The following GPHN variants were observed in gnomAD, a reference collection of about 807,000 sequenced individuals.
GPHN encodes the protein gephyrin.
A neutral mutation model predicts 95.5 loss-of-function variants in GPHN; 17 were observed. The observed-to-expected ratio is 0.18, with a 90% CI of 0.12 to 0.27. The LOEUF is 0.27. GPHN is among the 10% of genes least tolerant of loss of function. The probability of loss-of-function intolerance (pLI) is 1.00; values close to 1 mark genes in which losing one functional copy is unlikely to be tolerated. For missense variants in GPHN, 660 were observed against 978.1 expected (o/e 0.67, Z 4.34); for synonymous variants, 320 against 322.5 (o/e 0.99, Z 0.08).
the GPHN span, among the ~76,000 whole-genome samples, chr14:67,539,905 A>G: frequency 6.6e-6 from 1 of 152,218 alleles, no homozygotes; most frequent in Non-Finnish European, 1.5e-5. Context: ...AAGACTCAAT[A>G]AGCAATAGCT....
the GPHN span, chr14:67,559,577 G>T: frequency 6.8e-7 from 1 of 1,469,352 alleles, no homozygotes; most frequent in Non-Finnish European, 9.4e-7. Flanking sequence ...GTGATTGTTG[G>T]GATTAACGGA....
chr14:67,360,089 C>G, the GPHN span: 3 of 424,954 alleles, frequency 7.1e-6, no homozygotes, highest in East Asian at 1.1e-4. Flanking sequence ...ACAGCGCCAT[C>G]TCATGGTTAG....
intron 1 of GPHN, among the ~76,000 whole-genome samples, chr14:66,533,752 G>T (rs1252815503): frequency 6.6e-6 from 1 of 152,208 alleles, no homozygotes. Flanking sequence ...GCAGTTGTCT[G>T]ATTTTAGCCA....
the GPHN span, among the ~76,000 whole-genome samples, chr14:67,666,717 T>C: frequency 3.3e-5 from 5 of 152,280 alleles, no homozygotes; most frequent in Non-Finnish European, 7.4e-5. Context: ...CTGAGGACAC[T>C]AGACCCTGGA....
the GPHN span, among the ~76,000 whole-genome samples, chr14:67,389,550 A>T: frequency 3.3e-5 from 5 of 152,026 alleles, no homozygotes; most frequent in Non-Finnish European, 5.9e-5. Flanking sequence ...GTTTCCATCT[A>T]TGTATGTATA....
chr14:67,095,000 TGTTA>T (rs1241282363), intron 12 of GPHN, among the ~76,000 whole-genome samples: 1 of 152,328 alleles, frequency 6.6e-6, no homozygotes, highest in East Asian at 1.9e-4. Flanking sequence ...TCTAGGTTTG[TGTTA>T]GTACACTCTG....
At chr14:67,611,903 G>A in the GPHN span, among the ~76,000 whole-genome samples, 2 of 152,116 alleles carry the variant, frequency 1.3e-5, no homozygotes, top group East Asian at 1.9e-4. Context: ...ATCAGTGGGA[G>A]CCCTAAGCTT....
chr14:66,647,768 T>G (rs772823362), intron 1 of GPHN, among the ~76,000 whole-genome samples: 1 of 152,130 alleles, frequency 6.6e-6, no homozygotes, highest in African/African-American at 2.4e-5. Context: ...ACTGAAACTC[T>G]GTAAAGAGAA....
chr14:66,692,513 C>T (rs571437428), intron 2 of GPHN, among the ~76,000 whole-genome samples: 45 of 152,298 alleles, frequency 3.0e-4, no homozygotes, highest in African/African-American at 1.0e-3. Flanking sequence ...CAACCTACGT[C>T]TCTCTAATAA....
At chr14:67,392,716 G>T in the GPHN span, 1 of 1,614,204 alleles carries the variant, frequency 6.2e-7, no homozygotes, top group Non-Finnish European at 8.5e-7. Flanking sequence ...GATCCCCAGA[G>T]CGAATGGCTC....
chr14:66,662,691 C>T (rs1288199178), intron 1 of GPHN, among the ~76,000 whole-genome samples: 1 of 152,238 alleles, frequency 6.6e-6, no homozygotes, highest in Non-Finnish European at 1.5e-5. Context: ...GCTACAGCTG[C>T]ACCTTCTAAC....
At chr14:67,405,728 T>C in the GPHN span, among the ~76,000 whole-genome samples, 6 of 152,186 alleles carry the variant, frequency 3.9e-5, no homozygotes, top group Non-Finnish European at 7.3e-5. Context: ...TCTGATTATT[T>C]GCTGTGGGAA....
the GPHN span, chr14:67,582,417 T>TTGGAATCCAGAGACC: frequency 1.1e-5 from 9 of 832,866 alleles, no homozygotes; most frequent in South Asian, 1.6e-4. This position sits in a 1 kb window ranked among gnomAD's most constrained non-coding sequence, Gnocchi z 5.0. Context: ...ATGGCTGGAC[T>TTGGAATCCAGAGACC]TGGAATCCAG....
At chr14:66,699,425 A>G (rs529927194) in intron 2 of GPHN, among the ~76,000 whole-genome samples, 1 of 152,202 alleles carries the variant, frequency 6.6e-6, no homozygotes, top group South Asian at 2.1e-4. Flanking sequence ...ATTATATTAA[A>G]TATGGTGATA....
chr14:66,603,362 A>G lies in GPHN; in HGVS notation c.65-77745A>G, dbSNP rs80011530. 2.6e-5 allele frequency among the ~76,000 whole-genome samples: 4 copies of G among 151,956 alleles called. No homozygotes were observed. The East Asian group carries it at 7.7e-4, about 29-fold the overall frequency. ...GCACACACATCTATACTATTTTACA[A>G]ACTTTGAATCATACCGTACGAACAC... is the stretch of plus-strand genomic sequence containing the variant. On this transcript the variant is annotated intron_variant, in intron 1 of 22. Transcript: ENST00000478722.
At chr14:66,985,634 T>C in intron 9 of GPHN, 1 of 1,285,680 alleles carries the variant, frequency 7.8e-7, no homozygotes, top group Non-Finnish European at 1.1e-6. Context: ...ATTTTTAAGT[T>C]CACTTTTTCT....
the GPHN span, among the ~76,000 whole-genome samples, chr14:67,361,784 T>C: frequency 1.3e-5 from 2 of 152,364 alleles, no homozygotes; most frequent in Admixed American, 1.3e-4. Flanking sequence ...ATTGAGGTTC[T>C]GTGGGTTAAA....
At chr14:66,574,347 T>G (rs1040333369) in intron 1 of GPHN, among the ~76,000 whole-genome samples, 2 of 152,344 alleles carry the variant, frequency 1.3e-5, no homozygotes, top group African/African-American at 4.8e-5. Context: ...TTTTATATAT[T>G]GTGTATCCAT....
the GPHN span, among the ~76,000 whole-genome samples, chr14:67,305,519 G>C: frequency 6.6e-6 from 1 of 152,170 alleles, no homozygotes; most frequent in Non-Finnish European, 1.5e-5. Flanking sequence ...GAGCTCAAGT[G>C]GTCCACCCGC....
Sources: gnomAD v4.1 joint callset for allele counts (sites outside exome capture counted in the v4.1 genomes callset) on GRCh38, gnomAD v4.1.1 for gene constraint, Gnocchi (gnomAD v3.1) non-coding constraint, MANE v1.5 for transcripts, NCBI Gene and HGNC (gene_info 2026-07-23, HGNC 2026-07-21) for gene names.